Variants in TPGS2 observed in about 807,000 individuals in gnomAD.
TPGS2 encodes the protein tubulin polyglutamylase complex subunit 2.
A neutral mutation model predicts 31.1 loss-of-function variants in TPGS2; 26 were observed. The observed-to-expected ratio is 0.84, with a 90% CI of 0.61 to 1.16. The LOEUF (loss-of-function observed/expected upper bound fraction) is 1.16, where lower values mean the gene tolerates loss of function less well. TPGS2 is among the 50% of genes most tolerant of loss of function. TPGS2 has a pLI of 0.00. For synonymous variants in TPGS2, 130 were observed against 136.6 expected (o/e 0.95, Z 0.34); for missense variants, 351 against 363.8 (o/e 0.96, Z 0.29).
Position 36,796,144 on chromosome 18 carries a change from A to G in TPGS2, c.*661T>C. ...GCGAGATATTTGTGGTAAGGGATAC[A>G]AAGAACATACAATTGTGTACTTGAG... On this transcript the variant is annotated 3_prime_UTR_variant, in exon 7 of 7. Transcript: ENST00000334295. The G allele has an allele frequency of 3.0e-6, 3 of 985,454 alleles. No homozygotes were observed. The highest frequency in any genetic ancestry group is 3.6e-6 in the Non-Finnish European group (3 of 829,940). The allele number at this position is 985,454 out of a possible 1,614,324, so 61.0% of individuals were successfully genotyped here. A position where few individuals can be genotyped will look rare whatever the true frequency, so the allele number is the denominator to read the frequency against.
chr18:36,828,440 G>A (rs2046299859), intron 1 of TPGS2, among the ~76,000 whole-genome samples: 1 of 152,154 alleles, frequency 6.6e-6, no homozygotes, highest in Admixed American at 6.5e-5. Flanking sequence ...TGGGACCTTG[G>A]TTGGCGGTGA....
At chr18:36,807,574 G>A in intron 3 of TPGS2, 2 of 448,896 alleles carry the variant, frequency 4.5e-6, no homozygotes, top group Non-Finnish European at 7.8e-6. Flanking sequence ...TTTTTATGTA[G>A]TAATTAATGG....
intron 6 of TPGS2, 26 bp from the exon 7 acceptor site, chr18:36,797,076 G>T (rs2044565360): frequency 6.3e-7 from 1 of 1,595,334 alleles, no homozygotes; most frequent in African/African-American, 1.4e-5. Flanking sequence ...GGAAGACAAG[G>T]TCACAATTCA....
intron 1 of TPGS2, among the ~76,000 whole-genome samples, chr18:36,822,095 A>T (rs1485970282): frequency 6.6e-6 from 1 of 152,230 alleles, no homozygotes; most frequent in Non-Finnish European, 1.5e-5. Context: ...CAGCAAAAGC[A>T]GTAACAATTT....
Position 36,796,681 on chromosome 18 carries a change from A to G in TPGS2, c.*124T>C, listed in dbSNP as rs946336011. 3.4e-6 allele frequency: 5 copies of G among 1,457,648 alleles called. No individual in the cohort carries two copies. The highest frequency in any genetic ancestry group is 4.5e-6 in the Non-Finnish European group (5 of 1,110,882). 90.3% of individuals were successfully genotyped at this position (1,457,648 alleles called of 1,614,324 possible). A position where few individuals can be genotyped will look rare whatever the true frequency, so the allele number is the denominator to read the frequency against. On this transcript the variant is annotated 3_prime_UTR_variant, in exon 7 of 7. Coordinates refer to ENST00000334295, the MANE Select transcript of TPGS2 (RefSeq NM_015476.4). ...ATGTCGGTGGGACTAAAAGCCTTAC[A>G]ATTTTGGTCATTCAACTAGAAAGAG...
rs761894921 is a variant in TPGS2, at chr18:36,796,868, G to A, written c.840C>T (p.Ser280=). The part of the protein sequence containing the change: ...AGGQKGPSGP[S]GPSTSSTSKS... ...TAGAAGTGGAGGAAGTGGAGGGACC[G>A]GAGGGTCCTGAGGGCCCTTTCTGGC... The change falls in exon 7 of 7, where the codon TCC becomes TCT. Residue 280 remains serine (S), a synonymous_variant. Transcript: ENST00000334295. 1.9e-5 allele frequency: 30 copies of A among 1,609,920 alleles called. No individual in the cohort carries two copies. Among genetic ancestry groups the A allele is most frequent in the Middle Eastern group, 1.7e-4 (1 of 6,056 alleles).
chr18:36,781,801 A>G, downstream of TPGS2: 1 of 985,444 alleles, frequency 1.0e-6, no homozygotes, highest in Non-Finnish European at 1.2e-6. Context: ...CCACTTACGG[A>G]GACAGGGAGC....
chr18:36,789,463 T>G (rs2044233923), downstream of TPGS2: 1 of 152,190 alleles, frequency 6.6e-6, no homozygotes, highest in African/African-American at 2.4e-5. Flanking sequence ...AAATTTTTAT[T>G]TTAGTTTATG....
intron 2 of TPGS2, among the ~76,000 whole-genome samples, chr18:36,814,146 C>A (rs538414042): frequency 6.6e-6 from 1 of 152,166 alleles, no homozygotes; most frequent in Non-Finnish European, 1.5e-5. Context: ...ATTGTAAAGC[C>A]GTCTGCAACT....
At chr18:36,785,383 T>C (rs1355164412) in intron 6 of TPGS2, among the ~76,000 whole-genome samples, 1 of 152,216 alleles carries the variant, frequency 6.6e-6, no homozygotes, top group African/African-American at 2.4e-5. Flanking sequence ...TAACTGGTCA[T>C]CCATCCCACA....
At chr18:36,815,587 T>C (rs1223150966) in intron 2 of TPGS2, among the ~76,000 whole-genome samples, 1 of 152,122 alleles carries the variant, frequency 6.6e-6, no homozygotes, top group Non-Finnish European at 1.5e-5. Flanking sequence ...GCTGTGGTTA[T>C]GTCTAGGTAG....
In TPGS2 at chr18:36,828,815, A is replaced by C; in HGVS notation, c.-48T>G. 2.5e-6 allele frequency: 4 copies of C among 1,595,782 alleles called. No homozygotes were observed. Among genetic ancestry groups the C allele is most frequent in the Non-Finnish European group, 1.7e-6 (2 of 1,169,388 alleles). On this transcript the variant is annotated 5_prime_UTR_variant, in exon 1 of 7. Transcript: ENST00000334295. ...GCGGCGGGAGCGGGTGGAGGGCCGG[A>C]CCCCGCCTCAGCGCCGAGGCCAATT...
intron 1 of TPGS2, among the ~76,000 whole-genome samples, chr18:36,824,091 T>A (rs1361390810): frequency 1.3e-5 from 2 of 152,226 alleles, no homozygotes; most frequent in Non-Finnish European, 2.9e-5. Context: ...TTCTATAGAT[T>A]GGTCTCTTCT....
downstream of TPGS2, chr18:36,790,022 T>TA (rs2044253631): frequency 6.6e-6 from 1 of 152,308 alleles, no homozygotes; most frequent in Non-Finnish European, 1.5e-5. Context: ...CATTGTGCTC[T>TA]GAGTCTTGGG....
At chr18:36,791,566 G>GA (rs774942408), downstream of TPGS2, among the ~76,000 whole-genome samples, 1 of 152,166 alleles carries the variant, frequency 6.6e-6, no homozygotes, top group Non-Finnish European at 1.5e-5. Context: ...AGGTAATATA[G>GA]AAAGTCAATG....
In TPGS2 at chr18:36,795,733, C is replaced by T. The variant is rs1013544008; in HGVS notation, c.*1072G>A. 1.0e-6 allele frequency: 1 copy of T among 985,298 alleles called. No homozygotes were observed. Among genetic ancestry groups the T allele is most frequent in the African/African-American group, 1.7e-5 (1 of 57,220 alleles). The allele number at this position is 985,298 out of a possible 1,614,324, so 61.0% of individuals were successfully genotyped here. On this transcript the variant is annotated 3_prime_UTR_variant, in exon 7 of 7. Coordinates refer to ENST00000334295, the MANE Select transcript of TPGS2 (RefSeq NM_015476.4). ...TGATTTCTGAATTACAGGCAACTTG[C>T]TTCCAAAGGAACTCTTGGAAGCCCA... is the stretch of plus-strand genomic sequence containing the variant.
At chr18:36,802,372 C>A (rs1184381589) in intron 4 of TPGS2, among the ~76,000 whole-genome samples, 1 of 152,186 alleles carries the variant, frequency 6.6e-6, no homozygotes, top group Non-Finnish European at 1.5e-5. Flanking sequence ...TGACTACTCT[C>A]CAGTCCTTTA....
intron 5 of TPGS2, among the ~76,000 whole-genome samples, chr18:36,799,397 G>C (rs565821864): frequency 6.6e-6 from 1 of 152,204 alleles, no homozygotes; most frequent in Non-Finnish European, 1.5e-5. Flanking sequence ...CCCCCTACAT[G>C]AACCATGTGG....
chr18:36,815,961 G>A (rs2045635688), intron 2 of TPGS2, among the ~76,000 whole-genome samples: 1 of 152,126 alleles, frequency 6.6e-6, no homozygotes, highest in Admixed American at 6.6e-5. Flanking sequence ...AAGTAGCTGG[G>A]ACTACTGGTG....
Sources: allele counts gnomAD v4.1 joint callset (sites outside exome capture counted in the v4.1 genomes callset), GRCh38; gene constraint gnomAD v4.1.1; transcripts MANE v1.5; gene names NCBI Gene and HGNC (gene_info 2026-07-23, HGNC 2026-07-21).